The following WDFY4 variants were observed in gnomAD, a reference collection of about 807,000 sequenced individuals.
WDFY4 encodes the protein WDFY family member 4, also known as WD repeat- and FYVE domain-containing protein 4.
Under a neutral mutation model 351.9 loss-of-function variants are expected in WDFY4, and 169 were observed. The observed-to-expected ratio is 0.48, with a 90% CI of 0.42 to 0.55. The LOEUF (loss-of-function observed/expected upper bound fraction) is 0.55. WDFY4 is among the 20% of genes least tolerant of loss of function. The pLI, the probability that WDFY4 is intolerant of heterozygous loss-of-function variation, is 0.00. For synonymous variants in WDFY4, 1,622 were observed against 1,574.6 expected (o/e 1.03, Z -0.71); for missense variants, 3,803 against 3,935.6 (o/e 0.97, Z 0.90).
At chr10:48,748,976 T>C (rs984711203) in intron 12 of WDFY4, among the ~76,000 whole-genome samples, 2 of 152,184 alleles carry the variant, frequency 1.3e-5, no homozygotes, top group Admixed American at 6.5e-5. Flanking sequence ...GGTGGCTGTG[T>C]TCTTTGGTCC....
At chr10:48,965,225 G>A (rs1029842606) in intron 54 of WDFY4, among the ~76,000 whole-genome samples, 3 of 152,054 alleles carry the variant, frequency 2.0e-5, no homozygotes, top group South Asian at 2.1e-4. Flanking sequence ...ATCTTTTCCC[G>A]TCAGTGTAGT....
Position 48,826,892 on chromosome 10 carries a change from G to A in WDFY4, c.6204G>A (p.Leu2068=). ...TCCTGTGTCTCATGCATTGCCTTTT[G>A]CTACTCAATGAGAGAAGGTAAGAGC... The part of the protein sequence containing the change: ...SFLLCLMHCL[L]LLNERSYPEG... The change falls in exon 36 of 62, where the codon TTG becomes TTA. Residue 2068 remains leucine (L), a synonymous_variant. Coordinates refer to ENST00000325239, the MANE Select transcript of WDFY4 (RefSeq NM_001394531.1). The A allele has an allele frequency of 6.4e-7, 1 of 1,551,648 alleles. No homozygotes were observed.
chr10:48,933,272 G>C (rs1840142409), intron 47 of WDFY4, among the ~76,000 whole-genome samples: 1 of 152,194 alleles, frequency 6.6e-6, no homozygotes, highest in Non-Finnish European at 1.5e-5. Context: ...CTTTTGCCCA[G>C]CACAAAGTCT....
At chr10:48,708,366 G>C (rs915872858) in intron 1 of WDFY4, among the ~76,000 whole-genome samples, 3 of 152,188 alleles carry the variant, frequency 2.0e-5, no homozygotes, top group African/African-American at 7.2e-5. Context: ...AATAAAGCAT[G>C]ATGTAACCCA....
chr10:48,752,054 C>A (rs751006638), intron 12 of WDFY4, among the ~76,000 whole-genome samples: 1 of 152,260 alleles, frequency 6.6e-6, no homozygotes, highest in Middle Eastern at 3.4e-3. Context: ...AGGTCCCTTG[C>A]GAGATACAAG....
At chr10:48,725,350 C>T (rs1361537478) in intron 5 of WDFY4, among the ~76,000 whole-genome samples, 2 of 152,114 alleles carry the variant, frequency 1.3e-5, no homozygotes, top group Non-Finnish European at 2.9e-5. Context: ...ATGGGCCATG[C>T]TACGGTGGTG....
At chr10:48,891,962 T>G (rs998972716) in intron 44 of WDFY4, among the ~76,000 whole-genome samples, 1 of 152,260 alleles carries the variant, frequency 6.6e-6, no homozygotes, top group African/African-American at 2.4e-5. Context: ...CATTTTTCTC[T>G]CTGCTAATTT....
At chr10:48,838,945 G>A (rs1490251758) in intron 39 of WDFY4, among the ~76,000 whole-genome samples, 1 of 152,130 alleles carries the variant, frequency 6.6e-6, no homozygotes, top group Non-Finnish European at 1.5e-5. Flanking sequence ...ATGAGAGGAG[G>A]GTCTTGCTGA....
intron 58 of WDFY4, 142 bp downstream of exon 58, chr10:48,975,183 G>A: frequency 8.9e-7 from 1 of 1,122,904 alleles, no homozygotes; most frequent in Non-Finnish European, 1.3e-6. Flanking sequence ...AACAGTCGCT[G>A]TAGATCTCAC....
intron 13 of WDFY4, among the ~76,000 whole-genome samples, chr10:48,772,543 C>CTTTTTTTTTTTTTTTTTTT (rs370554273): frequency 1.2e-5 from 1 of 82,982 alleles, no homozygotes; most frequent in Non-Finnish European, 2.2e-5. Context: ...TTTGCATTTT[C>CTTTTTTTTTTTTTTTTTTT]TTTTTTTTTT....
intron 47 of WDFY4, among the ~76,000 whole-genome samples, chr10:48,938,559 G>A (rs952494300): frequency 6.6e-6 from 1 of 152,238 alleles, no homozygotes; most frequent in African/African-American, 2.4e-5. Flanking sequence ...CCTGGTTTCA[G>A]GGTAGGGTGG....
At position 48,877,104 on chromosome 10, in the gene WDFY4, T is replaced by G; in HGVS notation, c.7072T>G (p.Phe2358Val). The change falls in exon 43 of 62, where the codon TTC becomes GTC. Residue 2358 changes from phenylalanine to valine, a missense_variant. By Grantham distance (50) the Phe-to-Val change is conservative. This residue lies in a region of WDFY4 where 3,054 missense variants were observed against 3,148.6 expected (regional missense o/e 0.97). Coordinates refer to ENST00000325239, the MANE Select transcript of WDFY4 (RefSeq NM_001394531.1). ...GGTGGACTGCACCCAGCTGACCTTC[T>G]TCCCAGCCTTACACGAAAGTCTGCA... is the stretch of plus-strand genomic sequence containing the variant. ...VGVDCTQLTFFPALHESLHSE... is the reference protein window; with the variant it reads ...VGVDCTQLTFVPALHESLHSE... 6.5e-7 allele frequency: 1 copy of G among 1,547,886 alleles called. No individual in the cohort carries two copies. The highest frequency in any genetic ancestry group is 8.7e-7 in the Non-Finnish European group (1 of 1,144,910).
In WDFY4 at chr10:48,826,830, G is replaced by C. The variant is rs749995802; in HGVS notation, c.6142G>C (p.Val2048Leu). The C allele has an allele frequency of 6.4e-7, 1 of 1,551,852 alleles. No homozygotes were observed. Among genetic ancestry groups the C allele is most frequent in the South Asian group, 1.2e-5 (1 of 84,062 alleles). Residue 2048 changes from valine (V) to leucine (L), a missense_variant, in exon 36 of 62, where the codon GTT (valine) becomes CTT (leucine). Val to Leu is a conservative substitution (Grantham distance 32, BLOSUM62 1). Around this residue, in one of 3 missense-constraint regions of WDFY4, gnomAD observed 3,054 missense variants for 3,148.6 expected, o/e 0.97. Coordinates refer to ENST00000325239, the MANE Select transcript of WDFY4 (RefSeq NM_001394531.1). ...ILGFLQEHWD[V>L]VFATYNSNIS... ...GGGCTTTCTGCAGGAGCACTGGGAT[G>C]TTGTCTTTGCCACCTACAATTCCAA...
intron 47 of WDFY4, among the ~76,000 whole-genome samples, chr10:48,925,112 A>G (rs530294241): frequency 6.6e-6 from 1 of 152,326 alleles, no homozygotes; most frequent in South Asian, 2.1e-4. Flanking sequence ...TTAAAAGGAA[A>G]TGATGCAAAC....
chr10:48,862,025 G>A (rs2069362467), intron 39 of WDFY4, among the ~76,000 whole-genome samples: 3 of 152,098 alleles, frequency 2.0e-5, no homozygotes, highest in Non-Finnish European at 4.4e-5. Flanking sequence ...CTGATAAGGT[G>A]TTCTATTTAT....
chr10:48,698,716 A>G (rs374977117), intron 1 of WDFY4, among the ~76,000 whole-genome samples: 1 of 152,322 alleles, frequency 6.6e-6, no homozygotes, highest in African/African-American at 2.4e-5. Context: ...GTACTGGTTC[A>G]ATAAACGCTG....
At chr10:48,751,684 C>T (rs1043674533) in intron 12 of WDFY4, among the ~76,000 whole-genome samples, 4 of 152,112 alleles carry the variant, frequency 2.6e-5, no homozygotes, top group Admixed American at 6.5e-5. Flanking sequence ...TCTAATGCAT[C>T]CCTCAAGTAT....
intron 47 of WDFY4, among the ~76,000 whole-genome samples, chr10:48,902,352 G>A (rs544320799): frequency 4.7e-4 from 72 of 152,162 alleles, no homozygotes; most frequent in African/African-American, 9.7e-4. Flanking sequence ...CCCCCCCGCC[G>A]CCGCCAGGTC....
Position 48,743,562 on chromosome 10 carries a change from C to T in WDFY4, c.2459+14C>T. On this transcript the variant is annotated intron_variant, in intron 12 of 61. Coordinates refer to ENST00000325239, the MANE Select transcript of WDFY4 (RefSeq NM_001394531.1). ...CCTGGAGGAGAGGTAGCTTCTTCTGCCAGTGTGTCATCAGTGCATCTCTGT... is the reference window on the plus strand; with the variant it reads ...CCTGGAGGAGAGGTAGCTTCTTCTGTCAGTGTGTCATCAGTGCATCTCTGT... 1 of 1,526,368 alleles carries T rather than the reference C, an allele frequency of 6.6e-7. No individual in the cohort carries two copies. Among genetic ancestry groups the T allele is most frequent in the Non-Finnish European group, 8.8e-7 (1 of 1,139,052 alleles). The allele number at this position is 1,526,368 out of a possible 1,614,324, so 94.6% of individuals were successfully genotyped here.
Sources: gnomAD v4.1 joint callset for allele counts (sites outside exome capture counted in the v4.1 genomes callset) on GRCh38, gnomAD v4.1.1 for gene constraint, gnomAD v4.1.1 regional missense constraint, MANE v1.5 for transcripts, NCBI Gene and HGNC (gene_info 2026-07-23, HGNC 2026-07-21) for gene names.